TSPAN5: variants seen among roughly 807,000 people sequenced by gnomAD.
TSPAN5 encodes the protein tetraspanin 5.
Under a neutral mutation model 37.1 loss-of-function variants are expected in TSPAN5, and 10 were observed. The observed-to-expected ratio is 0.27, with a 90% confidence interval of 0.17 to 0.46. The LOEUF (loss-of-function observed/expected upper bound fraction) is 0.46. TSPAN5 is among the 20% of genes least tolerant of loss of function. TSPAN5 has a pLI of 1.00. For missense variants in TSPAN5, 195 were observed against 326.6 expected (o/e 0.60, Z 3.11); for synonymous variants, 110 against 118.9 (o/e 0.93, Z 0.48).
chr4:98,641,083 T>C lies in TSPAN5; in HGVS notation c.81+17063A>G, dbSNP rs140987448. On this transcript the variant is annotated intron_variant, in intron 1 of 7. Transcript: ENST00000305798. ...TTAACCACTGTCTTACATGTTGTAA[T>C]ATTCTCTGCCTAGCATTGGGAAGAG... Among the ~76,000 whole-genome samples, 26 of 152,320 alleles carry C rather than the reference T, an allele frequency of 1.7e-4. 1 individual carries two copies. The highest frequency in any genetic ancestry group is 6.3e-4 in the African/African-American group (26 of 41,582).
At chr4:98,547,276 G>T (rs1347044980) in intron 1 of TSPAN5, among the ~76,000 whole-genome samples, 1 of 152,174 alleles carries the variant, frequency 6.6e-6, no homozygotes. Context: ...GTCATAAATT[G>T]CTTATGAGAG....
intron 1 of TSPAN5, among the ~76,000 whole-genome samples, chr4:98,615,228 C>T (rs939769803): frequency 6.6e-6 from 1 of 152,174 alleles, no homozygotes; most frequent in Non-Finnish European, 1.5e-5. Flanking sequence ...TGCCTTGGGA[C>T]CAAGAGAGCC....
chr4:98,586,955 C>T (rs1456130919), intron 1 of TSPAN5, among the ~76,000 whole-genome samples: 1 of 152,288 alleles, frequency 6.6e-6, no homozygotes, highest in African/African-American at 2.4e-5. Context: ...CCAAAGTGGT[C>T]GTGCCCTGTC....
At chr4:98,589,748 T>C (rs1022205642) in intron 1 of TSPAN5, among the ~76,000 whole-genome samples, 1 of 152,180 alleles carries the variant, frequency 6.6e-6, no homozygotes, top group African/African-American at 2.4e-5. Flanking sequence ...TTACCTTGTG[T>C]TAATGAAAAC....
At chr4:98,634,862 A>C (rs1294817721) in intron 1 of TSPAN5, among the ~76,000 whole-genome samples, 1 of 152,224 alleles carries the variant, frequency 6.6e-6, no homozygotes, top group Non-Finnish European at 1.5e-5. Context: ...AAGAGACAAA[A>C]GATGTCCATT....
At chr4:98,497,252 G>T (rs1464512442) in intron 2 of TSPAN5, among the ~76,000 whole-genome samples, 1 of 151,148 alleles carries the variant, frequency 6.6e-6, no homozygotes, top group Non-Finnish European at 1.5e-5. Flanking sequence ...AGGAGGCGGA[G>T]GTTGCAGTGA....
chr4:98,581,155 A>G (rs1436451350), intron 1 of TSPAN5, among the ~76,000 whole-genome samples: 9 of 152,182 alleles, frequency 5.9e-5, no homozygotes, highest in Non-Finnish European at 8.8e-5. Flanking sequence ...TTTGGCTTTC[A>G]TTTTCTAGGA....
intron 1 of TSPAN5, among the ~76,000 whole-genome samples, chr4:98,646,304 T>C (rs1218993801): frequency 6.6e-6 from 1 of 152,158 alleles, no homozygotes; most frequent in East Asian, 1.9e-4. Flanking sequence ...CTTCATGACC[T>C]CAAGAATTTG....
chr4:98,493,877 A>C (rs1270399546), intron 2 of TSPAN5, among the ~76,000 whole-genome samples: 3 of 152,208 alleles, frequency 2.0e-5, no homozygotes, highest in African/African-American at 7.2e-5. Context: ...TAAAAAGTTG[A>C]AAGAAAAAAA....
chr4:98,574,915 A>G (rs1163266277), intron 1 of TSPAN5: 2 of 152,964 alleles, frequency 1.3e-5, no homozygotes, highest in Non-Finnish European at 2.9e-5. Flanking sequence ...CCTAAAAAAG[A>G]AAAGGGCACC....
At chr4:98,547,866 G>A (rs936003621) in intron 1 of TSPAN5, among the ~76,000 whole-genome samples, 2 of 151,816 alleles carry the variant, frequency 1.3e-5, no homozygotes, top group South Asian at 2.1e-4. Flanking sequence ...ATTCGCTGGC[G>A]TGGTGGTGGG....
Position 98,472,506 on chromosome 4 carries a change from A to C in TSPAN5, c.*16T>G. The C allele has an allele frequency of 6.2e-7, 1 of 1,613,742 alleles. No individual in the cohort carries two copies. The highest frequency in any genetic ancestry group is 1.1e-5 in the South Asian group (1 of 91,046). Reference sequence around the variant, plus strand: ...CTGGGTCTGTCCAGTGTCTTGCAGCAGCGGTTGCAGGGGGTCTACCAGCTC... The same window carrying C: ...CTGGGTCTGTCCAGTGTCTTGCAGCCGCGGTTGCAGGGGGTCTACCAGCTC... On this transcript the variant is annotated 3_prime_UTR_variant, in exon 8 of 8. Coordinates refer to ENST00000305798, the MANE Select transcript of TSPAN5 (RefSeq NM_005723.4).
At chr4:98,481,671 A>G (rs1752841438) in intron 4 of TSPAN5, among the ~76,000 whole-genome samples, 1 of 152,238 alleles carries the variant, frequency 6.6e-6, no homozygotes, top group Non-Finnish European at 1.5e-5. Flanking sequence ...CATATTTAAT[A>G]ACCAAAGAAA....
At chr4:98,633,907 T>C (rs967672713) in intron 1 of TSPAN5, among the ~76,000 whole-genome samples, 4 of 151,832 alleles carry the variant, frequency 2.6e-5, no homozygotes, top group African/African-American at 9.7e-5. Flanking sequence ...TGGAGAAACC[T>C]CGTCTCTACT....
Position 98,587,895 on chromosome 4 carries a change from GCAACAA to G in TSPAN5, c.81+70245_81+70250del, listed in dbSNP as rs147808702. On this transcript the variant is annotated intron_variant, in intron 1 of 7. Coordinates refer to ENST00000305798, the MANE Select transcript of TSPAN5 (RefSeq NM_005723.4). Reference sequence around the variant, plus strand: ...AGAACAAGACTCCGTCTCAAAAACAGCAACAACAACAACAACAACAAAACAAGGTGC... The same window carrying G: ...AGAACAAGACTCCGTCTCAAAAACAGCAACAACAACAACAAAACAAGGTGC... Among the ~76,000 whole-genome samples the G allele has an allele frequency of 6.3e-4, 95 of 151,434 alleles. 1 individual carries two copies. The highest frequency in any genetic ancestry group is 9.2e-4 in the Admixed American group (14 of 15,204).
intron 1 of TSPAN5, among the ~76,000 whole-genome samples, chr4:98,567,717 T>C (rs1167465636): frequency 1.3e-5 from 2 of 151,882 alleles, no homozygotes; most frequent in African/African-American, 2.4e-5. Flanking sequence ...AGAGGAAACC[T>C]GAAAGGGGCC....
At chr4:98,587,867 G>A (rs920664499) in intron 1 of TSPAN5, among the ~76,000 whole-genome samples, 2 of 151,668 alleles carry the variant, frequency 1.3e-5, no homozygotes, top group African/African-American at 4.9e-5. Context: ...CCAGCCTGGT[G>A]ACAGAACAAG....
intron 1 of TSPAN5, among the ~76,000 whole-genome samples, chr4:98,651,738 C>T (rs1757189162): frequency 6.6e-6 from 1 of 151,940 alleles, no homozygotes; most frequent in South Asian, 2.1e-4. Context: ...TTAAAGTGGT[C>T]CAAAAACAGA....
At chr4:98,539,555 T>C (rs760800317) in intron 1 of TSPAN5, among the ~76,000 whole-genome samples, 11 of 152,338 alleles carry the variant, frequency 7.2e-5, no homozygotes, top group Non-Finnish European at 1.5e-4. Context: ...TGCCTCAACA[T>C]TGCATTCCCT....
Sources: allele counts gnomAD v4.1 joint callset (sites outside exome capture counted in the v4.1 genomes callset), GRCh38; gene constraint gnomAD v4.1.1; transcripts MANE v1.5; gene names NCBI Gene and HGNC (gene_info 2026-07-23, HGNC 2026-07-21).